The following A1CF variants were observed in gnomAD, a reference collection of about 807,000 sequenced individuals.
A1CF encodes APOBEC1 complementation factor, also known as APOBEC-1 stimulating protein.
In A1CF, 48 loss-of-function variants were observed where a neutral mutation model predicts 68.9. The observed-to-expected ratio is 0.70, with a 90% CI of 0.55 to 0.89. The LOEUF (loss-of-function observed/expected upper bound fraction) is 0.89. Among genes scored for constraint, A1CF ranks in the 40% least tolerant of loss-of-function variants. The pLI, the probability that A1CF is intolerant of heterozygous loss-of-function variation, is 0.00. For synonymous variants in A1CF, 272 were observed against 260.4 expected, an observed-to-expected ratio of 1.04 and a Z score of -0.43; for missense variants, 653 against 718.9, an observed-to-expected ratio of 0.91 and a Z score of 1.05.
chr10:50,871,144 C>T (rs551664686), intron 1 of A1CF, among the ~76,000 whole-genome samples: 3 of 151,778 alleles, frequency 2.0e-5, no homozygotes, highest in African/African-American at 7.2e-5. Flanking sequence ...AGTAATGAAA[C>T]ACCACAATCA....
chr10:50,812,360 C>T (rs867263288), intron 10 of A1CF, among the ~76,000 whole-genome samples: 1 of 152,278 alleles, frequency 6.6e-6, no homozygotes. Flanking sequence ...TTGGTGGTGG[C>T]ATGGTCTTCA....
intron 2 of A1CF, among the ~76,000 whole-genome samples, chr10:50,862,055 G>A (rs1840772049): frequency 6.6e-6 from 1 of 151,836 alleles, no homozygotes; most frequent in Non-Finnish European, 1.5e-5. Flanking sequence ...CAAGCTAATA[G>A]ATAAGCATCA....
chr10:50,874,206 A>C (rs974588612), intron 1 of A1CF, among the ~76,000 whole-genome samples: 10 of 152,106 alleles, frequency 6.6e-5, no homozygotes, highest in African/African-American at 2.4e-4. Flanking sequence ...TCATTTTTGC[A>C]AAACAATCCT....
Position 50,841,954 on chromosome 10 carries a change from A to C in A1CF, c.273T>G (p.Phe91Leu). ...KIYEMRMMMDFNGNNRGYAFV... is the reference protein window; with the variant it reads ...KIYEMRMMMDLNGNNRGYAFV... ...ATGCATATCCTCTATTGTTGCCATT[A>C]AAATCCATCATCATTCTCATTTCAT... Residue 91 changes from phenylalanine to leucine, a missense_variant, in exon 5 of 13, where the codon TTT (phenylalanine) becomes TTG (leucine). Physicochemically the swap from Phe to Leu is conservative, Grantham distance 22. Coordinates refer to ENST00000373997, the MANE Select transcript of A1CF (RefSeq NM_014576.4). 1 of 1,611,724 alleles carries C rather than the reference A, an allele frequency of 6.2e-7. No individual in the cohort carries two copies. The highest frequency in any genetic ancestry group is 2.2e-5 in the East Asian group (1 of 44,774).
intron 10 of A1CF, among the ~76,000 whole-genome samples, chr10:50,811,794 C>G (rs893498872): frequency 2.0e-5 from 3 of 152,028 alleles, no homozygotes; most frequent in Non-Finnish European, 4.4e-5. Flanking sequence ...TGCTTTTTAG[C>G]ATCCTCCTGC....
At chr10:50,865,912 C>G (rs1200592268) in intron 1 of A1CF, among the ~76,000 whole-genome samples, 4 of 152,180 alleles carry the variant, frequency 2.6e-5, no homozygotes. Flanking sequence ...TGTGAGCTTT[C>G]TGAGCACAGG....
rs768940960 is a variant in A1CF at position 50,811,067 on chromosome 10, G to A, written c.1433C>T (p.Pro478Leu). ...RQLFLYKITI[P>L]ALASQNPAIH... is the part of the protein sequence containing the mutation. ...TGCAGGATTCTGGCTGGCTAGAGCAGGAATAGTTATTTTGTACAAGAATAG... is the reference window on the plus strand; with the variant it reads ...TGCAGGATTCTGGCTGGCTAGAGCAAGAATAGTTATTTTGTACAAGAATAG... The change falls in exon 11 of 13, where the codon CCT (proline) becomes CTT (leucine). Residue 478 changes from proline (P) to leucine (L), a missense_variant. Physicochemically the swap from Pro to Leu is moderately conservative, Grantham distance 98. Coordinates refer to ENST00000373997, the MANE Select transcript of A1CF (RefSeq NM_014576.4). 1 of 1,613,428 alleles carries A rather than the reference G, an allele frequency of 6.2e-7. No individual in the cohort carries two copies. The highest frequency in any genetic ancestry group is 1.7e-5 in the Admixed American group (1 of 59,974).
intron 1 of A1CF, among the ~76,000 whole-genome samples, chr10:50,876,838 T>C (rs1333458654): frequency 2.0e-5 from 3 of 152,250 alleles, no homozygotes; most frequent in Admixed American, 1.3e-4. Flanking sequence ...CATATTTATA[T>C]GCATACTTAC....
At chr10:50,869,904 T>C (rs914414480) in intron 1 of A1CF, among the ~76,000 whole-genome samples, 1 of 151,934 alleles carries the variant, frequency 6.6e-6, no homozygotes, top group Non-Finnish European at 1.5e-5. Flanking sequence ...CTATGATATA[T>C]AGCTCTTGCT....
intron 3 of A1CF, 33 bp downstream of exon 3, chr10:50,859,809 T>C (rs1178716222): frequency 8.8e-6 from 14 of 1,588,080 alleles, no homozygotes; most frequent in Non-Finnish European, 1.2e-5. Flanking sequence ...GCAAATTCAG[T>C]GGTGAGTCTC....
chr10:50,827,837 G>A (rs759235259), intron 7 of A1CF, among the ~76,000 whole-genome samples: 19 of 152,004 alleles, frequency 1.2e-4, no homozygotes, highest in Non-Finnish European at 1.9e-4. Flanking sequence ...AAAAAAATCA[G>A]TGAATCCAGG....
Position 50,836,054 on chromosome 10 carries a change from T to A in A1CF, c.604+20A>T, listed in dbSNP as rs758888239. ...CAGGATAGGCAGAGAAGTCTCATCT[T>A]TGAGGAGGGGATTGCTAACCTGGTA... On this transcript the variant is annotated intron_variant, in intron 6 of 12. Coordinates refer to ENST00000373997, the MANE Select transcript of A1CF (RefSeq NM_014576.4). 2.4e-5 allele frequency: 37 copies of A among 1,573,916 alleles called. No homozygotes were observed. The South Asian group carries it at 2.4e-4, about 10-fold the overall frequency.
At chr10:50,873,033 G>C (rs1427758497) in intron 1 of A1CF, among the ~76,000 whole-genome samples, 1 of 128,060 alleles carries the variant, frequency 7.8e-6, no homozygotes, top group Non-Finnish European at 1.5e-5. Flanking sequence ...TCAGCTCACT[G>C]CAACTTTCTC....
chr10:50,828,581 C>T (rs146857233), intron 6 of A1CF: 11 of 253,020 alleles, frequency 4.3e-5, no homozygotes, highest in African/African-American at 2.4e-4. Flanking sequence ...ACATTTGGCT[C>T]TTAGAACAAC....
At chr10:50,828,451 T>C in intron 6 of A1CF, 156 bp from the exon 7 acceptor site, 1 of 494,118 alleles carries the variant, frequency 2.0e-6, no homozygotes, top group Admixed American at 3.6e-5. Flanking sequence ...TAAGAGACAT[T>C]CCAAGTGGAG....
chr10:50,849,208 G>A (rs146762388), intron 3 of A1CF, among the ~76,000 whole-genome samples: 191 of 152,198 alleles, frequency 1.3e-3, no homozygotes, highest in African/African-American at 4.5e-3. Flanking sequence ...GTGCTGCAGG[G>A]AATATTCATT....
Position 50,810,023 on chromosome 10 carries a change from TTGGAGGTG to T in A1CF, c.1472_1479del (p.Thr491LysfsTer8), listed in dbSNP as rs781627152. The T allele has an allele frequency of 6.2e-7, 1 of 1,613,764 alleles. No homozygotes were observed. Among genetic ancestry groups the T allele is most frequent in the South Asian group, 1.1e-5 (1 of 91,056 alleles). ...GCTTCATCCACAAAGGCACTCAGCT[TTGGAGGTG>T]TGAAAGGGTGGCTGGAAAGCAAGTC... On this transcript the variant is annotated frameshift_variant, in exon 12 of 13. Coordinates refer to ENST00000373997, the MANE Select transcript of A1CF (RefSeq NM_014576.4). LOFTEE classifies it high-confidence loss of function.
chr10:50,847,260 C>T (rs183736030), intron 3 of A1CF, among the ~76,000 whole-genome samples: 7 of 152,216 alleles, frequency 4.6e-5, no homozygotes, highest in East Asian at 3.9e-4. Flanking sequence ...ACTTACAAAC[C>T]GTTGTCTCTC....
chr10:50,880,770 A>G (rs1266909904), intron 1 of A1CF, among the ~76,000 whole-genome samples: 3 of 152,342 alleles, frequency 2.0e-5, no homozygotes, highest in East Asian at 1.9e-4. Context: ...GAAATAAAAA[A>G]TTTCATTTGT....
Sources: allele counts gnomAD v4.1 joint callset (sites outside exome capture counted in the v4.1 genomes callset), GRCh38; gene constraint gnomAD v4.1.1; transcripts MANE v1.5; gene names NCBI Gene and HGNC (gene_info 2026-07-23, HGNC 2026-07-21).